The following RETREG3 variants were observed in gnomAD, a reference collection of about 807,000 sequenced individuals.
RETREG3 encodes the protein reticulophagy regulator family member 3, also known as reticulophagy regulator 3.
In RETREG3, 23 loss-of-function variants were observed where a neutral mutation model predicts 50.2. The ratio of observed to expected loss-of-function variants is 0.46; its 90% CI spans 0.33 to 0.65. The LOEUF (loss-of-function observed/expected upper bound fraction) is 0.65, where lower values mean the gene tolerates loss of function less well. Ranked by LOEUF, RETREG3 falls within the 30% of genes least tolerant of loss-of-function variation. The pLI, the probability that RETREG3 is intolerant of heterozygous loss-of-function variation, is 0.02. For missense variants in RETREG3, 546 were observed against 598.0 expected, an observed-to-expected ratio of 0.91 and a Z score of 0.91; for synonymous variants, 240 against 234.4, an observed-to-expected ratio of 1.02 and a Z score of -0.22.
chr17:42,609,196 C>T lies in RETREG3; in HGVS notation c.129G>A (p.Val43=), dbSNP rs566128050. 3.7e-6 allele frequency: 6 copies of T among 1,609,272 alleles called. No individual in the cohort carries two copies. In the African/African-American group the frequency reaches 8.0e-5, roughly 21 times the overall value. ...QQVEAAQRAL[V]EVLGPYEPLL... ...GAGGCTCGTAAGGCCCCAGCACCTCCACCAGGGCCCGCTGCGCCGCCTCAA... is the reference window on the plus strand; with the variant it reads ...GAGGCTCGTAAGGCCCCAGCACCTCTACCAGGGCCCGCTGCGCCGCCTCAA... Residue 43 remains valine, a synonymous_variant, in exon 1 of 9, where the codon GTG becomes GTA. Coordinates refer to ENST00000309428, the MANE Select transcript of RETREG3 (RefSeq NM_178126.4).
At chr17:42,586,368 A>G in intron 4 of RETREG3, 1 of 505,070 alleles carries the variant, frequency 2.0e-6, no homozygotes, top group East Asian at 3.4e-5. Flanking sequence ...CCTGCCAAGA[A>G]ATTGGTTTGA....
chr17:42,586,135 G>T lies in RETREG3; in HGVS notation c.507C>A (p.Phe169Leu). 6.2e-7 allele frequency: 1 copy of T among 1,613,984 alleles called. No homozygotes were observed. The highest frequency in any genetic ancestry group is 8.5e-7 in the Non-Finnish European group (1 of 1,179,966). ...TCAGTATCCCACAGCTCAGCAAGCA[G>T]AACTGGGGAATCAAGAAAGAGTATT... ...LLFKKQNPGK[F>L]CLLSCGILTF... Residue 169 changes from phenylalanine (F) to leucine (L), a missense_variant and splice_region_variant, in exon 5 of 9, where the codon TTC (phenylalanine) becomes TTA (leucine). Transcript: ENST00000309428.
rs1178927427 is a variant in RETREG3 at position 42,582,605 on chromosome 17, CCT to C, written c.943+67_943+68del. The stretch of plus-strand genomic sequence containing the variant: ...AGGAGAGGGGCAAGCACCAGTATCC[CCT>C]CTGTTCAGGGAAGCTAAGAGGCAAC... On this transcript the variant is annotated intron_variant, in intron 8 of 8. Coordinates refer to ENST00000309428, the MANE Select transcript of RETREG3 (RefSeq NM_178126.4). 3.1e-6 allele frequency: 5 copies of C among 1,597,290 alleles called. No homozygotes were observed. The African/African-American group carries it at 6.7e-5, about 21-fold the overall frequency.
At chr17:42,607,063 T>G (rs1219183553) in intron 1 of RETREG3, among the ~76,000 whole-genome samples, 2 of 152,076 alleles carry the variant, frequency 1.3e-5, no homozygotes, top group Non-Finnish European at 2.9e-5. Context: ...TGATACAAAT[T>G]GGTTTAATGA....
At chr17:42,601,521 C>G (rs867934402) in intron 1 of RETREG3, among the ~76,000 whole-genome samples, 107 of 126,656 alleles carry the variant, frequency 8.4e-4, no homozygotes, top group African/African-American at 2.5e-3. Flanking sequence ...TGCAGTGAGC[C>G]GAGATCGCGC....
Position 42,587,860 on chromosome 17 carries a change from T to C in RETREG3, c.351A>G (p.Pro117=). The change falls in exon 3 of 9, where the codon CCA becomes CCG. Residue 117 remains proline, a synonymous_variant. Coordinates refer to ENST00000309428, the MANE Select transcript of RETREG3 (RefSeq NM_178126.4). ...TCTCATTGTCTAATGCGTCGGGTCT[T>C]GGCACTACAATATTAAAACAAACAC... ...KNKIWPEIKV[P]RPDALDNESW... is the part of the protein sequence containing the mutation. The C allele has an allele frequency of 6.2e-7, 1 of 1,614,172 alleles. No homozygotes were observed. Among genetic ancestry groups the C allele is most frequent in the Non-Finnish European group, 8.5e-7 (1 of 1,180,030 alleles).
chr17:42,587,049 A>G lies in RETREG3; in HGVS notation c.378-158T>C, dbSNP rs565410343. Reference sequence around the variant, plus strand: ...AGCATGACTTTCTTCTTGGCTCACCAGGTTGAAATCTGAATTTAGGTACAA... The same window carrying G: ...AGCATGACTTTCTTCTTGGCTCACCGGGTTGAAATCTGAATTTAGGTACAA... On this transcript the variant is annotated intron_variant, in intron 3 of 8. Coordinates refer to ENST00000309428, the MANE Select transcript of RETREG3 (RefSeq NM_178126.4). The G allele has an allele frequency of 3.0e-4, 301 of 1,003,150 alleles. No homozygotes were observed. In the African/African-American group the frequency reaches 4.5e-3, roughly 15 times the overall value. 62.1% of individuals were successfully genotyped at this position (1,003,150 alleles called of 1,614,324 possible).
intron 1 of RETREG3, among the ~76,000 whole-genome samples, chr17:42,606,526 G>A (rs1163877324): frequency 2.6e-5 from 4 of 151,574 alleles, no homozygotes; most frequent in Non-Finnish European, 5.9e-5. Context: ...GCGTGAACCC[G>A]GGAGGCAGAG....
At position 42,581,854 on chromosome 17, in the gene RETREG3, C is replaced by T; in HGVS notation, c.1360G>A (p.Glu454Lys). Residue 454 changes from glutamate (E) to lysine (K), a missense_variant, in exon 9 of 9, where the codon GAG becomes AAG. Transcript: ENST00000309428. ...CTGGCAGGGTCCAGCTGACTCAGCTCCGACTGGTCCAGAAGTTCAAAGTCA... is the reference window on the plus strand; with the variant it reads ...CTGGCAGGGTCCAGCTGACTCAGCTTCGACTGGTCCAGAAGTTCAAAGTCA... The part of the protein sequence containing the change: ...GDDFELLDQS[E>K]LSQLDPASSR... 1 of 1,608,186 alleles carries T rather than the reference C, an allele frequency of 6.2e-7. No homozygotes were observed. The highest frequency in any genetic ancestry group is 8.5e-7 in the Non-Finnish European group (1 of 1,175,868).
At chr17:42,607,104 C>T (rs2143437021) in intron 1 of RETREG3, among the ~76,000 whole-genome samples, 1 of 152,252 alleles carries the variant, frequency 6.6e-6, no homozygotes, top group East Asian at 1.9e-4. Flanking sequence ...GATACCAAAA[C>T]CACTGTGGGA....
At position 42,609,373 on chromosome 17, in the gene RETREG3, A is replaced by G. The variant is rs956510417; in HGVS notation, c.-49T>C. On this transcript the variant is annotated 5_prime_UTR_variant, in exon 1 of 9. Transcript: ENST00000309428. The stretch of plus-strand genomic sequence containing the variant: ...CGGGGCCGTGGCCCGACAAGTCACA[A>G]TAACAGCAACTGCGCAGATGCGCGA... The G allele has an allele frequency of 4.5e-6, 7 of 1,555,882 alleles. No individual in the cohort carries two copies. In the Admixed American group the frequency reaches 5.4e-5, roughly 12 times the overall value.
chr17:42,607,498 T>TA (rs1240242259), intron 1 of RETREG3, among the ~76,000 whole-genome samples: 1 of 19,236 alleles, frequency 5.2e-5, no homozygotes, highest in African/African-American at 1.8e-4. Context: ...AGACCTTGTC[T>TA]CAAAAAAAAA....
chr17:42,593,047 T>G (rs950857458), intron 1 of RETREG3, among the ~76,000 whole-genome samples: 1 of 152,108 alleles, frequency 6.6e-6, no homozygotes, highest in Non-Finnish European at 1.5e-5. Flanking sequence ...TCTCAAACTC[T>G]TCCAAAAAAC....
In RETREG3 at chr17:42,583,490, C is replaced by A; in HGVS notation, c.810+8G>T. 1 of 1,612,910 alleles carries A rather than the reference C, an allele frequency of 6.2e-7. No individual in the cohort carries two copies. Among genetic ancestry groups the A allele is most frequent in the Non-Finnish European group, 8.5e-7 (1 of 1,179,276 alleles). On this transcript the variant is annotated splice_region_variant and intron_variant, in intron 7 of 8. Transcript: ENST00000309428. The stretch of plus-strand genomic sequence containing the variant: ...TGGACAGTGAAGCAGCTCCCACACT[C>A]AAGATACCTGAGGACAGAAGGCAGC...
At position 42,585,141 on chromosome 17, in the gene RETREG3, C is replaced by T. The variant is rs1333620503; in HGVS notation, c.711G>A (p.Lys237=). Residue 237 remains lysine (K), a synonymous_variant, in exon 6 of 9, where the codon AAG becomes AAA. Coordinates refer to ENST00000309428, the MANE Select transcript of RETREG3 (RefSeq NM_178126.4). ...GACACTTACATTGTCTCTCTCTCTG[C>T]TTGGACATCATGTAGCCACGGACAC... ...DFSVRGYMMS[K]QRERQLRRRA... 1.9e-6 allele frequency: 3 copies of T among 1,613,224 alleles called. No individual in the cohort carries two copies. Among genetic ancestry groups the T allele is most frequent in the Non-Finnish European group, 1.7e-6 (2 of 1,180,032 alleles).
chr17:42,597,607 A>AT (rs1567925473), intron 1 of RETREG3, among the ~76,000 whole-genome samples: 1 of 17,014 alleles, frequency 5.9e-5, no homozygotes, highest in Non-Finnish European at 1.0e-4. Flanking sequence ...ATATATATAT[A>AT]TATATATATA....
intron 1 of RETREG3, 78 bp downstream of exon 1, chr17:42,609,008 G>T: frequency 2.1e-6 from 3 of 1,412,270 alleles, no homozygotes; most frequent in Middle Eastern, 1.8e-4. Flanking sequence ...GAAGAAAACA[G>T]GGCAGGCGAG....
chr17:42,579,637 C>T lies in RETREG3; in HGVS notation c.*2176G>A, dbSNP rs186704306. The T allele has an allele frequency of 3.9e-5, 6 of 152,582 alleles. No individual in the cohort carries two copies. Among genetic ancestry groups the T allele is most frequent in the African/African-American group, 1.2e-4 (5 of 41,378 alleles). 9.5% of individuals were successfully genotyped at this position (152,582 alleles called of 1,614,324 possible). A position where few individuals can be genotyped will look rare whatever the true frequency, so the allele number is the denominator to read the frequency against. Reference sequence around the variant, plus strand: ...AAACACCTTCCGAAGATTTTGCTCTCCTTCCTTCCCTCCCTCTTGCCAACT... The same window carrying T: ...AAACACCTTCCGAAGATTTTGCTCTTCTTCCTTCCCTCCCTCTTGCCAACT... On this transcript the variant is annotated 3_prime_UTR_variant, in exon 9 of 9. Coordinates refer to ENST00000309428, the MANE Select transcript of RETREG3 (RefSeq NM_178126.4).
At position 42,609,153 on chromosome 17, in the gene RETREG3, C is replaced by T; in HGVS notation, c.172G>A (p.Ala58Thr). 6.2e-7 allele frequency: 1 copy of T among 1,610,382 alleles called. No individual in the cohort carries two copies. ...GCTGGCCGCTCCCACACCAGGGCTGCCTGCACCCGACTCAGCAGAGGCTCG... is the reference window on the plus strand; with the variant it reads ...GCTGGCCGCTCCCACACCAGGGCTGTCTGCACCCGACTCAGCAGAGGCTCG... ...PYEPLLSRVQAALVWERPARS... is the reference protein window; with the variant it reads ...PYEPLLSRVQTALVWERPARS... Residue 58 changes from alanine (A) to threonine (T), a missense_variant, in exon 1 of 9, where the codon GCA becomes ACA. Physicochemically the swap from Ala to Thr is moderately conservative, Grantham distance 58. Coordinates refer to ENST00000309428, the MANE Select transcript of RETREG3 (RefSeq NM_178126.4).
Sources: gnomAD v4.1 joint callset for allele counts (sites outside exome capture counted in the v4.1 genomes callset) on GRCh38, gnomAD v4.1.1 for gene constraint, MANE v1.5 for transcripts, NCBI Gene and HGNC (gene_info 2026-07-23, HGNC 2026-07-21) for gene names.